Variants in ZMYM2 observed in about 807,000 individuals in gnomAD.
ZMYM2 encodes the protein zinc finger MYM-type containing 2, also known as zinc finger MYM-type protein 2.
A neutral mutation model predicts 162.8 loss-of-function variants in ZMYM2; 56 were observed. That is an observed-to-expected ratio of 0.34 (90% CI 0.28 to 0.43). ZMYM2 has a LOEUF of 0.43. Ranked by LOEUF, ZMYM2 falls within the 20% of genes least tolerant of loss-of-function variation. The pLI is 1.00. For missense variants in ZMYM2, 1,275 were observed against 1,621.8 expected, an observed-to-expected ratio of 0.79 and a Z score of 3.67; for synonymous variants, 510 against 541.6, an observed-to-expected ratio of 0.94 and a Z score of 0.81.
intron 7 of ZMYM2, among the ~76,000 whole-genome samples, chr13:20,023,702 A>C (rs1226249175): frequency 6.6e-6 from 1 of 152,236 alleles, no homozygotes; most frequent in Non-Finnish European, 1.5e-5. Flanking sequence ...AAAACTTTAC[A>C]TCACTAAATG....
the ZMYM2 span, among the ~76,000 whole-genome samples, chr13:19,892,095 C>T: frequency 2.6e-5 from 4 of 151,566 alleles, no homozygotes; most frequent in Non-Finnish European, 5.9e-5. Context: ...CGTGAGCTAG[C>T]ACACCCAGCT....
Position 20,027,145 on chromosome 13 carries a change from TA to T in ZMYM2, c.1736-51del, listed in dbSNP as rs1013427635. The T allele has an allele frequency of 2.3e-5, 30 of 1,280,456 alleles. 1 individual carries two copies. The highest frequency in any genetic ancestry group is 8.5e-5 in the Admixed American group (3 of 35,110). The allele number at this position is 1,280,456 out of a possible 1,614,324, so 79.3% of individuals were successfully genotyped here. On this transcript the variant is annotated intron_variant, in intron 8 of 24. Transcript: ENST00000610343. The stretch of plus-strand genomic sequence containing the variant: ...ACTTCTATGATCTCAGTAGTTAAGA[TA>T]AAAAAACTTTTTTATTACTTTATAA...
chr13:19,936,352 C>T, the ZMYM2 span, among the ~76,000 whole-genome samples: 1 of 152,090 alleles, frequency 6.6e-6, no homozygotes, highest in East Asian at 1.9e-4. Flanking sequence ...CCATGGATGG[C>T]ATTATTTGTA....
the ZMYM2 span, among the ~76,000 whole-genome samples, chr13:19,906,288 A>G: frequency 1.1e-5 from 1 of 88,636 alleles, no homozygotes; most frequent in Non-Finnish European, 2.5e-5. Context: ...AAAAAAGTAT[A>G]TATATATATA....
chr13:19,962,516 T>TATATATATATATATATATA (rs1491235309), intron 2 of ZMYM2, among the ~76,000 whole-genome samples: 1 of 29,818 alleles, frequency 3.4e-5, no homozygotes, highest in African/African-American at 9.1e-5. Context: ...TATATATATA[T>TATATATATATATATATATA]TTTTTTTTTT....
chr13:19,894,294 T>A, the ZMYM2 span, among the ~76,000 whole-genome samples: 1 of 151,844 alleles, frequency 6.6e-6, no homozygotes. Context: ...AGCCTGAAGT[T>A]GGGCAAAATC....
chr13:20,002,771 A>G, intron 3 of ZMYM2, 79 bp from the exon 4 acceptor site: 3 of 1,512,508 alleles, frequency 2.0e-6, no homozygotes, highest in East Asian at 2.3e-5. Context: ...TGGGAAGTTA[A>G]TATTTCTCTG....
the ZMYM2 span, among the ~76,000 whole-genome samples, chr13:19,949,654 C>T: frequency 1.3e-5 from 2 of 151,362 alleles, no homozygotes; most frequent in African/African-American, 4.9e-5. Context: ...TTTGGGAGGC[C>T]AAGACGGGCA....
At chr13:19,988,682 C>G (rs981896458) in intron 2 of ZMYM2, among the ~76,000 whole-genome samples, 6 of 152,144 alleles carry the variant, frequency 3.9e-5, no homozygotes, top group African/African-American at 1.4e-4. Flanking sequence ...ACTCAGGAGG[C>G]TGAGGCAGGA....
the ZMYM2 span, among the ~76,000 whole-genome samples, chr13:19,866,188 C>T: frequency 6.6e-6 from 1 of 151,838 alleles, no homozygotes. Context: ...CATCACTGCA[C>T]TCCAGTCTGG....
At chr13:19,874,818 T>C in the ZMYM2 span, among the ~76,000 whole-genome samples, 3 of 152,042 alleles carry the variant, frequency 2.0e-5, no homozygotes, top group Non-Finnish European at 4.4e-5. Flanking sequence ...AATAAACATA[T>C]GAAAAAATAC....
At chr13:19,926,053 T>C in the ZMYM2 span, among the ~76,000 whole-genome samples, 8 of 149,656 alleles carry the variant, frequency 5.3e-5, no homozygotes, top group African/African-American at 2.0e-4. Context: ...CTCGGCCTCC[T>C]GGGTTCAAGC....
intron 14 of ZMYM2, among the ~76,000 whole-genome samples, chr13:20,055,266 G>A (rs1375508064): frequency 3.3e-5 from 5 of 152,160 alleles, no homozygotes; most frequent in South Asian, 4.1e-4. Flanking sequence ...AAATTTATTT[G>A]TAACCCCTTA....
At chr13:19,899,525 A>C in the ZMYM2 span, among the ~76,000 whole-genome samples, 3 of 151,954 alleles carry the variant, frequency 2.0e-5, no homozygotes, top group Non-Finnish European at 4.4e-5. Flanking sequence ...ATAGAAAAGC[A>C]GTAGAGGAAA....
At chr13:19,989,629 A>G (rs974314266) in intron 2 of ZMYM2, among the ~76,000 whole-genome samples, 1 of 152,182 alleles carries the variant, frequency 6.6e-6, no homozygotes, top group Non-Finnish European at 1.5e-5. Flanking sequence ...GGAGAATGGA[A>G]TATCCCTTCA....
chr13:19,959,428 T>G (rs1223725577), intron 1 of ZMYM2, among the ~76,000 whole-genome samples: 2 of 152,032 alleles, frequency 1.3e-5, no homozygotes, highest in Non-Finnish European at 2.9e-5. Flanking sequence ...CGGCTCTTGC[T>G]CCGCACGTAT....
intron 7 of ZMYM2, among the ~76,000 whole-genome samples, chr13:20,022,982 G>A (rs1952251046): frequency 6.6e-6 from 1 of 151,818 alleles, no homozygotes; most frequent in African/African-American, 2.4e-5. Flanking sequence ...GAAATGTGCT[G>A]CTTTATTTTA....
intron 6 of ZMYM2, among the ~76,000 whole-genome samples, chr13:20,013,081 CTG>C (rs560048943): frequency 2.0e-4 from 30 of 152,226 alleles, no homozygotes; most frequent in African/African-American, 7.2e-4. Context: ...GTTATTCTGT[CTG>C]TGAAAATGGC....
intron 7 of ZMYM2, chr13:20,025,325 A>G (rs867915695): frequency 2.1e-5 from 4 of 193,484 alleles, no homozygotes; most frequent in East Asian, 8.1e-5. Context: ...TAACTTGACT[A>G]TGACAGAGTT....
Sources: allele counts gnomAD v4.1 joint callset (sites outside exome capture counted in the v4.1 genomes callset), GRCh38; gene constraint gnomAD v4.1.1; transcripts MANE v1.5; gene names NCBI Gene and HGNC (gene_info 2026-07-23, HGNC 2026-07-21).